ASTN2: variants seen among roughly 807,000 people sequenced by gnomAD.
The protein encoded by ASTN2 is astrotactin-2.
A neutral mutation model predicts 139.8 loss-of-function variants in ASTN2; 54 were observed. The observed-to-expected ratio is 0.39, with a 90% CI of 0.31 to 0.48. ASTN2 has a LOEUF of 0.48. Among genes scored for constraint, ASTN2 ranks in the 20% least tolerant of loss-of-function variants. ASTN2 has a pLI of 0.95. For missense variants in ASTN2, 1,565 were observed against 1,725.1 expected (o/e 0.91, Z 1.64); for synonymous variants, 756 against 719.5 (o/e 1.05, Z -0.81).
intron 11 of ASTN2, among the ~76,000 whole-genome samples, chr9:116,839,637 G>A (rs1650719078): frequency 6.6e-6 from 1 of 151,796 alleles, no homozygotes; most frequent in African/African-American, 2.4e-5. Context: ...TGGAATTACA[G>A]CCCCGTGTGT....
chr9:117,393,522 G>C (rs1443554513), intron 1 of ASTN2, among the ~76,000 whole-genome samples: 2 of 152,196 alleles, frequency 1.3e-5, no homozygotes, highest in Non-Finnish European at 2.9e-5. Context: ...AGACAAGGAT[G>C]GGGAGGAGAA....
chr9:117,161,385 G>C (rs1288776418), intron 3 of ASTN2, among the ~76,000 whole-genome samples: 1 of 151,898 alleles, frequency 6.6e-6, no homozygotes, highest in Non-Finnish European at 1.5e-5. Context: ...GAAAGAAAAG[G>C]CGTTTTTTTT....
intron 1 of ASTN2, among the ~76,000 whole-genome samples, chr9:117,298,670 G>GAATA (rs1554717042): frequency 7.3e-6 from 1 of 136,466 alleles, no homozygotes; most frequent in Admixed American, 7.4e-5. Flanking sequence ...ATATATATGT[G>GAATA]TATATATATA....
At chr9:116,874,443 G>A (rs908006555) in intron 10 of ASTN2, among the ~76,000 whole-genome samples, 6 of 152,158 alleles carry the variant, frequency 3.9e-5, no homozygotes, top group African/African-American at 1.2e-4. Context: ...GGCAGGTGTT[G>A]AAGGAAGAGA....
intron 6 of ASTN2, among the ~76,000 whole-genome samples, chr9:117,015,984 C>T (rs192625574): frequency 3.9e-5 from 6 of 152,182 alleles, no homozygotes; most frequent in African/African-American, 1.4e-4. Flanking sequence ...ACCTCCCACC[C>T]ATGAAATTTT....
chr9:117,030,727 G>A (rs1011329134), intron 6 of ASTN2, among the ~76,000 whole-genome samples: 4 of 151,000 alleles, frequency 2.6e-5, no homozygotes, highest in Non-Finnish European at 5.9e-5. Flanking sequence ...ATGGTTTTAT[G>A]GATTTAGACA....
intron 3 of ASTN2, among the ~76,000 whole-genome samples, chr9:117,203,358 T>C (rs1198500115): frequency 6.6e-6 from 1 of 152,142 alleles, no homozygotes; most frequent in African/African-American, 2.4e-5. Context: ...TTTGATCCTC[T>C]GTCCAGTTCT....
chr9:116,830,245 T>C (rs1388327899), intron 11 of ASTN2, among the ~76,000 whole-genome samples: 2 of 152,180 alleles, frequency 1.3e-5, no homozygotes, highest in Non-Finnish European at 2.9e-5. Context: ...TCAACATTAC[T>C]ATTCAGCAGA....
At chr9:116,677,314 A>G (rs1859568856) in intron 16 of ASTN2, among the ~76,000 whole-genome samples, 3 of 149,498 alleles carry the variant, frequency 2.0e-5, no homozygotes, top group South Asian at 2.1e-4. Flanking sequence ...CCTGTTTTGG[A>G]AAAAAAAACC....
At chr9:117,064,853 C>T (rs1160058154) in intron 5 of ASTN2, among the ~76,000 whole-genome samples, 1 of 151,942 alleles carries the variant, frequency 6.6e-6, no homozygotes, top group East Asian at 1.9e-4. Flanking sequence ...TAGTCACTGG[C>T]CCCACCTAGA....
At chr9:117,004,900 C>A (rs1015944743) in intron 7 of ASTN2, among the ~76,000 whole-genome samples, 9 of 151,974 alleles carry the variant, frequency 5.9e-5, no homozygotes, top group Non-Finnish European at 1.5e-5. Flanking sequence ...TATTTGAGGA[C>A]AATAAGAACA....
chr9:117,393,921 G>A (rs1588008502), intron 1 of ASTN2, among the ~76,000 whole-genome samples: 2 of 152,280 alleles, frequency 1.3e-5, no homozygotes, highest in African/African-American at 4.8e-5. Context: ...GGCCCATCAA[G>A]GGTCCAGAAT....
rs547529105 is a variant in ASTN2 at position 116,828,267 on chromosome 9, C to CT, written c.2041-7485dup. Reference sequence around the variant, plus strand: ...AGCCAAGATCATGCCACTGCATGCACTCTAGCCTGGGCAACAGAGCGAGAC... The same window carrying CT: ...AGCCAAGATCATGCCACTGCATGCACTTCTAGCCTGGGCAACAGAGCGAGAC... On this transcript the variant is annotated intron_variant, in intron 11 of 22. Coordinates refer to ENST00000313400, the MANE Select transcript of ASTN2 (RefSeq NM_001365068.1). 6.0e-3 allele frequency among the ~76,000 whole-genome samples: 868 copies of CT among 144,858 alleles called. 8 individuals carry two copies. The highest frequency in any genetic ancestry group is 0.021 in the African/African-American group (829 of 39,024).
chr9:117,152,531 T>C (rs1247824223), intron 3 of ASTN2, among the ~76,000 whole-genome samples: 1 of 152,194 alleles, frequency 6.6e-6, no homozygotes, highest in Non-Finnish European at 1.5e-5. Context: ...TGCTCTCATA[T>C]CTTGCTCTTT....
chr9:117,230,379 A>G (rs1474454842), intron 2 of ASTN2, among the ~76,000 whole-genome samples: 1 of 151,960 alleles, frequency 6.6e-6, no homozygotes, highest in Non-Finnish European at 1.5e-5. Flanking sequence ...CATCATTCCA[A>G]TCTGTCTCCA....
At chr9:117,225,574 T>TATATATATATACAC (rs371374987) in intron 2 of ASTN2, among the ~76,000 whole-genome samples, 2 of 77,988 alleles carry the variant, frequency 2.6e-5, no homozygotes, top group African/African-American at 4.2e-5. Context: ...TATATATATA[T>TATATATATATACAC]ACAGATGAAC....
intron 17 of ASTN2, among the ~76,000 whole-genome samples, chr9:116,627,791 C>A (rs192465075): frequency 6.6e-6 from 1 of 152,270 alleles, no homozygotes; most frequent in East Asian, 1.9e-4. Flanking sequence ...TTAATAATTA[C>A]GTGATATTTA....
chr9:116,584,672 A>G (rs1443468473), intron 19 of ASTN2: 3 of 152,230 alleles, frequency 2.0e-5, no homozygotes, highest in African/African-American at 7.2e-5. Flanking sequence ...CTGTTCATAT[A>G]GTACTAAAAG....
Position 117,059,604 on chromosome 9 carries a change from T to A in ASTN2, c.1277-19639A>T, listed in dbSNP as rs115461037. Among the ~76,000 whole-genome samples the A allele has an allele frequency of 4.2e-3, 632 of 151,926 alleles. 4 individuals carry two copies. Among genetic ancestry groups the A allele is most frequent in the African/African-American group, 0.015 (610 of 41,408 alleles). ...CTCCAGCTTGGGTGACAAAGAGAGA[T>A]TATGTTTTTTTATTATTACTATTAA... On this transcript the variant is annotated intron_variant, in intron 5 of 22. Transcript: ENST00000313400.
Sources: allele counts gnomAD v4.1 joint callset (sites outside exome capture counted in the v4.1 genomes callset), GRCh38; gene constraint gnomAD v4.1.1; transcripts MANE v1.5; gene names NCBI Gene and HGNC (gene_info 2026-07-23, HGNC 2026-07-21).